PHACTR1: variants seen among roughly 807,000 people sequenced by gnomAD.
PHACTR1 encodes the protein RPEL repeat containing 1.
A neutral mutation model predicts 69.2 loss-of-function variants in PHACTR1; 16 were observed. The observed-to-expected ratio is 0.23, with a 90% CI of 0.16 to 0.35. The LOEUF (loss-of-function observed/expected upper bound fraction) is 0.35. Among genes scored for constraint, PHACTR1 ranks in the 10% least tolerant of loss-of-function variants. The pLI, the probability that PHACTR1 is intolerant of heterozygous loss-of-function variation, is 1.00. For synonymous variants in PHACTR1, 312 were observed against 284.5 expected, an observed-to-expected ratio of 1.10 and a Z score of -0.97; for missense variants, 510 against 734.7, an observed-to-expected ratio of 0.69 and a Z score of 3.54.
chr6:13,223,471 C>T (rs1769022122), intron 8 of PHACTR1, among the ~76,000 whole-genome samples: 2 of 152,118 alleles, frequency 1.3e-5, no homozygotes, highest in South Asian at 4.1e-4. Flanking sequence ...AATACTATTA[C>T]CTACCCTAGT....
intron 3 of PHACTR1, among the ~76,000 whole-genome samples, chr6:12,737,297 T>C (rs751765978): frequency 6.6e-6 from 1 of 152,102 alleles, no homozygotes; most frequent in Non-Finnish European, 1.5e-5. Flanking sequence ...TGTAAAACTA[T>C]AGTATAGTTA....
chr6:13,201,736 G>A (rs1583897855), intron 7 of PHACTR1, among the ~76,000 whole-genome samples: 1 of 152,158 alleles, frequency 6.6e-6, no homozygotes, highest in African/African-American at 2.4e-5. Context: ...GTTCCAAATC[G>A]TGCCTCTAGT....
chr6:12,800,493 A>G (rs1174056923), intron 4 of PHACTR1, among the ~76,000 whole-genome samples: 1 of 152,174 alleles, frequency 6.6e-6, no homozygotes, highest in East Asian at 1.9e-4. Flanking sequence ...TCTTAAAGTT[A>G]AAAGAGTGAC....
intron 3 of PHACTR1, among the ~76,000 whole-genome samples, chr6:12,737,974 G>A (rs1346580191): frequency 6.6e-6 from 1 of 152,038 alleles, no homozygotes; most frequent in Non-Finnish European, 1.5e-5. Context: ...AATTTAATCT[G>A]CTCCTTGTAT....
intron 5 of PHACTR1, among the ~76,000 whole-genome samples, chr6:13,063,905 T>G (rs1347805812): frequency 6.6e-6 from 1 of 151,698 alleles, no homozygotes; most frequent in Non-Finnish European, 1.5e-5. Flanking sequence ...TGTTAAGGAG[T>G]CTGGGTGTTA....
intron 4 of PHACTR1, among the ~76,000 whole-genome samples, chr6:12,884,622 C>T (rs548761420): frequency 1.3e-5 from 2 of 152,180 alleles, no homozygotes; most frequent in Admixed American, 6.5e-5. Flanking sequence ...AGGATGGTCT[C>T]GATCTCCTGA....
At chr6:12,805,225 T>G (rs1027016337) in intron 4 of PHACTR1, among the ~76,000 whole-genome samples, 7 of 152,246 alleles carry the variant, frequency 4.6e-5, no homozygotes, top group African/African-American at 1.7e-4. Context: ...ATTAACACAT[T>G]GTATGGAATT....
intron 3 of PHACTR1, among the ~76,000 whole-genome samples, chr6:12,720,635 GAT>G (rs1761996314): frequency 6.6e-6 from 1 of 152,210 alleles, no homozygotes; most frequent in Non-Finnish European, 1.5e-5. Flanking sequence ...GTAATCAGAT[GAT>G]GTTTCAATCA....
chr6:12,728,890 A>G (rs1763133660), intron 3 of PHACTR1, among the ~76,000 whole-genome samples: 1 of 152,218 alleles, frequency 6.6e-6, no homozygotes, highest in Non-Finnish European at 1.5e-5. Context: ...GAGTAATATT[A>G]AGTAAATAAT....
rs115574068 is a variant in PHACTR1 at position 12,811,243 on chromosome 6, C to G, written c.250+61453C>G. On this transcript the variant is annotated intron_variant, in intron 4 of 14. Transcript: ENST00000332995. ...TTTGAAGACAACATTGAAAAATGTA[C>G]TAGATTACAATTTTCCTGGTCACAT... is the stretch of plus-strand genomic sequence containing the variant. 5.3e-3 allele frequency among the ~76,000 whole-genome samples: 810 copies of G among 152,268 alleles called. 9 individuals are homozygous for G. Among genetic ancestry groups the G allele is most frequent in the African/African-American group, 0.018 (757 of 41,548 alleles).
At chr6:13,118,854 A>T (rs962595817) in intron 5 of PHACTR1, among the ~76,000 whole-genome samples, 4 of 151,928 alleles carry the variant, frequency 2.6e-5, no homozygotes, top group Admixed American at 1.3e-4. Context: ...TGAGTTTGCA[A>T]CTCTATTTAG....
chr6:12,721,277 G>A lies in PHACTR1; in HGVS notation c.103+2430G>A, dbSNP rs55723609. 6.5e-3 allele frequency among the ~76,000 whole-genome samples: 983 copies of A among 152,056 alleles called. 15 individuals carry two copies. Among genetic ancestry groups the A allele is most frequent in the African/African-American group, 0.023 (948 of 41,494 alleles). On this transcript the variant is annotated intron_variant, in intron 3 of 14. Transcript: ENST00000332995. ...GGCATGCCTGTAATCCCAGCTACTC[G>A]GGAGGCTAAGGTAGGAGAATCGCTT...
At chr6:12,885,463 A>G (rs1301009046) in intron 4 of PHACTR1, among the ~76,000 whole-genome samples, 1 of 152,236 alleles carries the variant, frequency 6.6e-6, no homozygotes, top group African/African-American at 2.4e-5. Flanking sequence ...GTTTTCTAGT[A>G]AGCAGGGATA....
chr6:13,203,763 C>T (rs74914000), intron 7 of PHACTR1, among the ~76,000 whole-genome samples: 4,266 of 152,246 alleles, frequency 0.028, 206 homozygotes, highest in African/African-American at 0.095. Flanking sequence ...GTTTAGGAAA[C>T]TCAGCAGTTC....
At chr6:12,955,894 AAC>A (rs1791837687) in intron 4 of PHACTR1, among the ~76,000 whole-genome samples, 2 of 152,180 alleles carry the variant, frequency 1.3e-5, no homozygotes, top group South Asian at 4.1e-4. Flanking sequence ...TCTCCATAAG[AAC>A]AGTCATTACC....
chr6:13,143,269 A>G (rs1246839376), intron 5 of PHACTR1, among the ~76,000 whole-genome samples: 1 of 152,250 alleles, frequency 6.6e-6, no homozygotes, highest in Admixed American at 6.5e-5. Context: ...TACATTTAAA[A>G]ATAACTAAAA....
chr6:13,146,042 G>A (rs1488322135), intron 5 of PHACTR1, among the ~76,000 whole-genome samples: 1 of 152,228 alleles, frequency 6.6e-6, no homozygotes, highest in Non-Finnish European at 1.5e-5. Flanking sequence ...TAAAAAGGCA[G>A]TGATAATGTC....
intron 4 of PHACTR1, among the ~76,000 whole-genome samples, chr6:12,915,110 G>T (rs1169274910): frequency 6.6e-6 from 1 of 152,200 alleles, no homozygotes; most frequent in Non-Finnish European, 1.5e-5. Context: ...GTGACCAAGG[G>T]ACTGCATATT....
At chr6:12,950,029 C>T (rs1791110024) in intron 4 of PHACTR1, among the ~76,000 whole-genome samples, 3 of 152,338 alleles carry the variant, frequency 2.0e-5, no homozygotes, top group Admixed American at 6.5e-5. Context: ...TCTTTCACTG[C>T]ATAACAAATC....
Sources: gnomAD v4.1 joint callset for allele counts (sites outside exome capture counted in the v4.1 genomes callset) on GRCh38, gnomAD v4.1.1 for gene constraint, MANE v1.5 for transcripts, NCBI Gene and HGNC (gene_info 2026-07-23, HGNC 2026-07-21) for gene names.